The following SF3B3 variants were observed in gnomAD, a reference collection of about 807,000 sequenced individuals.
The protein encoded by SF3B3 is SAP 130.
In SF3B3, 33 loss-of-function variants were observed where a neutral mutation model predicts 139.2. The ratio of observed to expected loss-of-function variants is 0.24; its 90% CI spans 0.18 to 0.32. The LOEUF (loss-of-function observed/expected upper bound fraction) is 0.32, where lower values mean the gene tolerates loss of function less well. SF3B3 is among the 10% of genes least tolerant of loss of function. The pLI, the probability that SF3B3 is intolerant of heterozygous loss-of-function variation, is 1.00. For synonymous variants in SF3B3, 596 were observed against 563.6 expected (o/e 1.06, Z -0.81); for missense variants, 818 against 1,509.4 (o/e 0.54, Z 7.59).
chr16:70,529,452 A>G (rs192510096), intron 3 of SF3B3: 11 of 512,218 alleles, frequency 2.1e-5, no homozygotes, highest in African/African-American at 1.3e-4. Context: ...TTCTTTGGCA[A>G]AAAGACTACA....
chr16:70,552,645 T>G (rs1567418834), intron 11 of SF3B3, among the ~76,000 whole-genome samples: 1 of 152,214 alleles, frequency 6.6e-6, no homozygotes, highest in Non-Finnish European at 1.5e-5. Context: ...ATTGAACCTT[T>G]ACTCTGTGGA....
chr16:70,530,576 C>T (rs903158882), intron 3 of SF3B3, among the ~76,000 whole-genome samples, 169 bp from the exon 4 acceptor site: 12 of 152,188 alleles, frequency 7.9e-5, no homozygotes, highest in African/African-American at 2.4e-4. Flanking sequence ...ACCTCAGCCT[C>T]CCAAAGTGCT....
intron 18 of SF3B3, 116 bp from the exon 19 acceptor site, chr16:70,564,949 G>T (rs1370713461): frequency 1.1e-6 from 1 of 877,794 alleles, no homozygotes; most frequent in Non-Finnish European, 1.9e-6. Flanking sequence ...TGGGATGGCT[G>T]ACTTTGCTGC....
intron 20 of SF3B3, among the ~76,000 whole-genome samples, chr16:70,566,570 GA>G (rs1191649146): frequency 1.3e-5 from 2 of 151,992 alleles, no homozygotes; most frequent in African/African-American, 4.8e-5. Context: ...TCAAAAAAAA[GA>G]AAAGGATTAA....
At chr16:70,569,938 CT>C in intron 23 of SF3B3, 67 bp from the exon 24 acceptor site, 2 of 1,577,276 alleles carry the variant, frequency 1.3e-6, no homozygotes, top group Admixed American at 3.4e-5. Context: ...GGGAGCACTG[CT>C]TGCCCTTGGG....
At chr16:70,556,380 G>A (rs755184883) in intron 14 of SF3B3, 46 bp downstream of exon 14, 7 of 1,604,502 alleles carry the variant, frequency 4.4e-6, no homozygotes, top group Non-Finnish European at 6.0e-6. Context: ...TGGAACCTGA[G>A]CATCTGGCTC....
rs748080523 is a variant in SF3B3, at chr16:70,571,131, C to T, written c.3445C>T (p.Arg1149Trp). The T allele has an allele frequency of 5.0e-6, 8 of 1,613,922 alleles. No individual in the cohort carries two copies. The highest frequency in any genetic ancestry group is 1.3e-5 in the African/African-American group (1 of 74,908). ...CTTCCAGCATGTGGAAATGCACCTGCGGTCTGAACATCCCCCTCTCTGTGG... is the reference window on the plus strand; with the variant it reads ...CTTCCAGCATGTGGAAATGCACCTGTGGTCTGAACATCCCCCTCTCTGTGG... ...DFFQHVEMHLRSEHPPLCGRD... is the reference protein window; with the variant it reads ...DFFQHVEMHLWSEHPPLCGRD... The change falls in exon 25 of 26, where the codon CGG becomes TGG. Residue 1149 changes from arginine (R) to tryptophan (W), a missense_variant. Arg to Trp is a moderately radical substitution (Grantham distance 101). This residue lies in a region of SF3B3 where 44 missense variants were observed against 40.4 expected (regional missense o/e 1.09). Transcript: ENST00000302516.
chr16:70,536,802 T>G (rs2050172578), intron 6 of SF3B3, among the ~76,000 whole-genome samples: 1 of 140,198 alleles, frequency 7.1e-6, no homozygotes, highest in Non-Finnish European at 1.5e-5. Context: ...GGGCTAATTT[T>G]CTTTCTTTTT....
chr16:70,557,106 G>T, intron 15 of SF3B3, 77 bp downstream of exon 15: 1 of 1,432,436 alleles, frequency 7.0e-7, no homozygotes, highest in Non-Finnish European at 9.4e-7. Context: ...TGATAACAGG[G>T]ATTTTCTCTG....
chr16:70,569,973 G>A (rs2050513049), intron 23 of SF3B3, 33 bp from the exon 24 acceptor site: 4 of 1,612,982 alleles, frequency 2.5e-6, no homozygotes, highest in South Asian at 2.2e-5. Context: ...TCCTGAGGGT[G>A]CACACAGTCA....
chr16:70,534,886 C>T (rs2050152203), intron 5 of SF3B3, among the ~76,000 whole-genome samples: 1 of 152,142 alleles, frequency 6.6e-6, no homozygotes, highest in Admixed American at 6.5e-5. Flanking sequence ...CCAGGCTGGT[C>T]TCGAACTCCT....
rs1256935972 is a variant in SF3B3 at position 70,575,912 on chromosome 16, G to A, written c.*4099G>A. ...AGAACCCTCTTCATTTGTCAGAACAGATTCCTGGGGTCTGCTCCCAATTAT... is the reference window on the plus strand; with the variant it reads ...AGAACCCTCTTCATTTGTCAGAACAAATTCCTGGGGTCTGCTCCCAATTAT... On this transcript the variant is annotated 3_prime_UTR_variant, in exon 26 of 26. Coordinates refer to ENST00000302516, the MANE Select transcript of SF3B3 (RefSeq NM_012426.5). 6.6e-6 allele frequency: 1 copy of A among 152,216 alleles called. No individual in the cohort carries two copies. The highest frequency in any genetic ancestry group is 1.5e-5 in the Non-Finnish European group (1 of 68,050). The allele number at this position is 152,216 out of a possible 1,614,324, so 9.4% of individuals were successfully genotyped here.
chr16:70,542,808 G>A (rs904109780), intron 9 of SF3B3, among the ~76,000 whole-genome samples: 1 of 148,608 alleles, frequency 6.7e-6, no homozygotes, highest in Non-Finnish European at 1.5e-5. Flanking sequence ...TGCAAGTTCC[G>A]CCTCCCAGGT....
At chr16:70,568,880 C>T (rs1164557994) in intron 22 of SF3B3, among the ~76,000 whole-genome samples, 163 bp from the exon 23 acceptor site, 2 of 152,246 alleles carry the variant, frequency 1.3e-5, no homozygotes, top group African/African-American at 2.4e-5. Context: ...TCCTCAGACA[C>T]AGCTCCTGCC....
At position 70,571,140 on chromosome 16, in the gene SF3B3, C is replaced by A; in HGVS notation, c.3454C>A (p.His1152Asn). The A allele has an allele frequency of 6.2e-7, 1 of 1,614,112 alleles. No individual in the cohort carries two copies. Among genetic ancestry groups the A allele is most frequent in the Non-Finnish European group, 8.5e-7 (1 of 1,179,988 alleles). The change falls in exon 25 of 26, where the codon CAT becomes AAT. Residue 1152 changes from histidine (H) to asparagine (N), a missense_variant. Physicochemically the swap from His to Asn is moderately conservative, Grantham distance 68 (BLOSUM62 1). Transcript: ENST00000302516. ...QHVEMHLRSE[H>N]PPLCGRDHLS... The stretch of plus-strand genomic sequence containing the variant: ...TGTGGAAATGCACCTGCGGTCTGAA[C>A]ATCCCCCTCTCTGTGGGCGGGACCA...
At chr16:70,565,299 G>C (rs1293442759) in intron 19 of SF3B3, 29 bp downstream of exon 19, 7 of 1,613,590 alleles carry the variant, frequency 4.3e-6, no homozygotes, top group South Asian at 1.1e-5. Flanking sequence ...TCCAGGGTTT[G>C]GCAGGCTGGA....
chr16:70,531,809 G>A (rs112660578), intron 4 of SF3B3, among the ~76,000 whole-genome samples: 5 of 152,240 alleles, frequency 3.3e-5, no homozygotes, highest in African/African-American at 1.2e-4. Flanking sequence ...TTAACGGAAG[G>A]CAGTATCCTC....
In SF3B3 at chr16:70,548,430, C is replaced by G; in HGVS notation, c.1390C>G (p.Arg464Gly). Residue 464 changes from arginine to glycine, a missense_variant, in exon 11 of 26, where the codon CGA becomes GGA. Coordinates refer to ENST00000302516, the MANE Select transcript of SF3B3 (RefSeq NM_012426.5). The part of the protein sequence containing the change: ...GNPNAVWTVR[R>G]HIEDEFDAYI... ...CCCCAACGCTGTCTGGACAGTGCGT[C>G]GACACATTGAAGGTAAGCAGCTTTT... 2.5e-6 allele frequency: 4 copies of G among 1,613,728 alleles called. No individual in the cohort carries two copies. Among genetic ancestry groups the G allele is most frequent in the Non-Finnish European group, 3.4e-6 (4 of 1,179,926 alleles).
At position 70,556,969 on chromosome 16, in the gene SF3B3, G is replaced by T. The variant is rs781600872; in HGVS notation, c.1950G>T (p.Lys650Asn). The T allele has an allele frequency of 6.2e-7, 1 of 1,614,110 alleles. No homozygotes were observed. The highest frequency in any genetic ancestry group is 8.5e-7 in the Non-Finnish European group (1 of 1,180,012). ...TCGTGGAAATGGGTGGGACTGAGAA[G>T]CAGGATGAGCTGGGTGAGAGGGGCT... ...LCIVEMGGTE[K>N]QDELGERGSI... The change falls in exon 15 of 26, where the codon AAG becomes AAT. Residue 650 changes from lysine to asparagine, a missense_variant. Transcript: ENST00000302516.
Sources: gnomAD v4.1 joint callset for allele counts (sites outside exome capture counted in the v4.1 genomes callset) on GRCh38, gnomAD v4.1.1 for gene constraint, gnomAD v4.1.1 regional missense constraint, MANE v1.5 for transcripts, NCBI Gene and HGNC (gene_info 2026-07-23, HGNC 2026-07-21) for gene names.